NAV3: variants seen among roughly 807,000 people sequenced by gnomAD.
NAV3 encodes pore membrane and/or filament interacting like protein 1.
A neutral mutation model predicts 244.7 loss-of-function variants in NAV3; 87 were observed. The ratio of observed to expected loss-of-function variants is 0.36; its 90% CI spans 0.30 to 0.42. NAV3 has a LOEUF of 0.42. Ranked by LOEUF, NAV3 falls within the 20% of genes least tolerant of loss-of-function variation. The probability of loss-of-function intolerance (pLI) is 1.00; values close to 1 mark genes in which losing one functional copy is unlikely to be tolerated. For missense variants in NAV3, 2,663 were observed against 2,893.3 expected (o/e 0.92, Z 1.83); for synonymous variants, 1,126 against 1,042.2 (o/e 1.08, Z -1.55).
chr12:78,147,611 G>A (rs1183335309), intron 21 of NAV3, among the ~76,000 whole-genome samples: 8 of 115,176 alleles, frequency 6.9e-5, no homozygotes, highest in African/African-American at 1.4e-4. Flanking sequence ...TATCTGTTCC[G>A]GAAAAAAAAA....
intron 2 of NAV3, among the ~76,000 whole-genome samples, chr12:77,739,835 CATAA>C (rs1868294310): frequency 6.6e-6 from 1 of 152,126 alleles, no homozygotes; most frequent in Non-Finnish European, 1.5e-5. Flanking sequence ...ATAATTGTCT[CATAA>C]ATAGAGAGTG....
intron 8 of NAV3, among the ~76,000 whole-genome samples, chr12:78,020,114 T>G (rs1876903937): frequency 6.6e-6 from 1 of 152,172 alleles, no homozygotes; most frequent in South Asian, 2.1e-4. Flanking sequence ...CTCCCGCTTC[T>G]GCTCTCTGTA....
At chr12:78,119,151 G>A (rs1955553625) in intron 14 of NAV3, 86 bp from the exon 15 acceptor site, 9 of 1,210,616 alleles carry the variant, frequency 7.4e-6, no homozygotes, top group South Asian at 4.5e-5. Flanking sequence ...ATATAAAGAA[G>A]CATTCACATT....
chr12:78,209,354 G>GA (rs5799382), intron 39 of NAV3, among the ~76,000 whole-genome samples: 27 of 150,190 alleles, frequency 1.8e-4, no homozygotes, highest in African/African-American at 3.2e-4. Context: ...CTGTAAGTTG[G>GA]AAAAAAAAAA....
chr12:77,595,629 A>G (rs776698144), intron 2 of NAV3, among the ~76,000 whole-genome samples: 4 of 152,188 alleles, frequency 2.6e-5, no homozygotes, highest in Non-Finnish European at 4.4e-5. Flanking sequence ...ATATCAAAAC[A>G]TCATGTCATA....
At chr12:77,810,272 C>T (rs1040535576) in intron 2 of NAV3, among the ~76,000 whole-genome samples, 30 of 152,060 alleles carry the variant, frequency 2.0e-4, no homozygotes, top group Non-Finnish European at 4.4e-5. Flanking sequence ...CCCGGGTTCA[C>T]GCCATTCTCC....
chr12:77,973,263 A>G (rs1288921264), intron 5 of NAV3, among the ~76,000 whole-genome samples: 1 of 152,176 alleles, frequency 6.6e-6, no homozygotes, highest in Non-Finnish European at 1.5e-5. Flanking sequence ...TATACAATTA[A>G]AACATGTAAA....
intron 11 of NAV3, among the ~76,000 whole-genome samples, 196 bp from the exon 12 acceptor site, chr12:78,058,800 T>C (rs1413643212): frequency 1.3e-5 from 2 of 152,124 alleles, no homozygotes; most frequent in Non-Finnish European, 2.9e-5. Flanking sequence ...TACTAGGAAA[T>C]ATTGATTTCC....
At chr12:78,091,208 T>C (rs1953913451) in intron 12 of NAV3, among the ~76,000 whole-genome samples, 1 of 152,106 alleles carries the variant, frequency 6.6e-6, no homozygotes, top group Admixed American at 6.5e-5. Context: ...TAATTTCTAT[T>C]GATGTTTTGG....
In NAV3 at chr12:77,655,326, C is replaced by T. The variant is rs186561816; in HGVS notation, c.72+83060C>T. 5.1e-4 allele frequency among the ~76,000 whole-genome samples: 78 copies of T among 151,930 alleles called. No individual in the cohort carries two copies. In the Middle Eastern group the frequency reaches 0.01, roughly 20 times the overall value. On this transcript the variant is annotated intron_variant, in intron 2 of 8. Coordinates refer to the NAV3 transcript ENST00000550042. ...TGAAGAATGCAGAAGCCTTAGGAGC[C>T]GATGCAATCAACTGGAAGAAAGGGT...
intron 1 of NAV3, among the ~76,000 whole-genome samples, chr12:77,909,366 G>A (rs942316587): frequency 6.6e-6 from 1 of 151,872 alleles, no homozygotes; most frequent in Non-Finnish European, 1.5e-5. Flanking sequence ...GTTCCACCCT[G>A]ATCAAGGGTG....
rs561126362 is a variant in NAV3 at position 78,080,912 on chromosome 12, T to A, written c.2636+21797T>A. ...TTAGCTGAGCACATGCATTTGATAA[T>A]AACAAGTAGGATAATTCAAAATCCT... On this transcript the variant is annotated intron_variant, in intron 12 of 39. Coordinates refer to ENST00000397909, the MANE Select transcript of NAV3 (RefSeq NM_001024383.2). 3.9e-5 allele frequency among the ~76,000 whole-genome samples: 6 copies of A among 152,306 alleles called. No homozygotes were observed. The South Asian group carries it at 1.2e-3, about 32-fold the overall frequency.
chr12:77,725,108 A>C (rs1401178942), intron 2 of NAV3, among the ~76,000 whole-genome samples: 1 of 152,038 alleles, frequency 6.6e-6, no homozygotes, highest in Non-Finnish European at 1.5e-5. Context: ...TAATTTAAGC[A>C]TCTAGGCGAT....
At chr12:77,994,947 T>C in intron 6 of NAV3, 76 bp downstream of exon 6, 1 of 1,094,914 alleles carries the variant, frequency 9.1e-7, no homozygotes, top group South Asian at 1.5e-5. Flanking sequence ...GTCCTATCTT[T>C]TTTTTTTAAT....
intron 1 of NAV3, among the ~76,000 whole-genome samples, chr12:77,927,275 T>C (rs576628566): frequency 1.2e-4 from 18 of 152,360 alleles, no homozygotes; most frequent in African/African-American, 4.3e-4. Context: ...TAGTACTAGA[T>C]GTTGCAGCAG....
At chr12:77,966,084 T>G in intron 3 of NAV3, 145 bp from the exon 4 acceptor site, 1 of 718,124 alleles carries the variant, frequency 1.4e-6, no homozygotes, top group African/African-American at 1.8e-5. Flanking sequence ...CCAAAATAAT[T>G]CTAGTTAAAC....
chr12:77,986,869 T>G (rs924338835), intron 5 of NAV3, among the ~76,000 whole-genome samples: 21 of 152,072 alleles, frequency 1.4e-4, no homozygotes, highest in African/African-American at 5.1e-4. Flanking sequence ...TAGGAATTAG[T>G]AGAAAAAAAA....
chr12:77,866,962 G>C (rs1880138104), intron 1 of NAV3, among the ~76,000 whole-genome samples: 1 of 152,132 alleles, frequency 6.6e-6, no homozygotes, highest in African/African-American at 2.4e-5. Context: ...ACTGTGAAAG[G>C]CTCCAAGCAT....
intron 2 of NAV3, among the ~76,000 whole-genome samples, chr12:77,804,882 C>T (rs1871893030): frequency 6.6e-6 from 1 of 152,022 alleles, no homozygotes; most frequent in Non-Finnish European, 1.5e-5. Flanking sequence ...TGAAGAGGTC[C>T]TTCACATCCC....
Sources: allele counts gnomAD v4.1 joint callset (sites outside exome capture counted in the v4.1 genomes callset), GRCh38; gene constraint gnomAD v4.1.1; transcripts MANE v1.5; gene names NCBI Gene and HGNC (gene_info 2026-07-23, HGNC 2026-07-21).